The following DGKI variants were observed in gnomAD, a reference collection of about 807,000 sequenced individuals.
The protein encoded by DGKI is diacylglycerol kinase iota, also known as DAG kinase iota.
Under a neutral mutation model 147.5 loss-of-function variants are expected in DGKI, and 55 were observed. That is an observed-to-expected ratio of 0.37 (90% CI 0.30 to 0.47). The LOEUF (loss-of-function observed/expected upper bound fraction) is 0.47. Ranked by LOEUF, DGKI falls within the 20% of genes least tolerant of loss-of-function variation. DGKI has a pLI of 1.00. For synonymous variants in DGKI, 469 were observed against 477.1 expected, an observed-to-expected ratio of 0.98 and a Z score of 0.22; for missense variants, 1,007 against 1,323.8, an observed-to-expected ratio of 0.76 and a Z score of 3.71.
chr7:137,787,086 A>G (rs1217383504), intron 1 of DGKI, among the ~76,000 whole-genome samples: 1 of 152,156 alleles, frequency 6.6e-6, no homozygotes, highest in African/African-American at 2.4e-5. Context: ...ATGACCAAGA[A>G]CCCAAAAGCA....
chr7:137,476,076 A>C (rs1282871917), intron 23 of DGKI, among the ~76,000 whole-genome samples: 3 of 152,136 alleles, frequency 2.0e-5, no homozygotes, highest in Admixed American at 6.5e-5. Flanking sequence ...CGTACGGCCA[A>C]GAAGTGCCAG....
chr7:137,626,851 T>A (rs566089802), intron 6 of DGKI, among the ~76,000 whole-genome samples: 3 of 152,188 alleles, frequency 2.0e-5, no homozygotes, highest in Non-Finnish European at 4.4e-5. Flanking sequence ...TCCTGGGCAC[T>A]GCCACCCGGT....
intron 6 of DGKI, among the ~76,000 whole-genome samples, chr7:137,640,116 A>T (rs372651700): frequency 2.8e-4 from 43 of 151,926 alleles, no homozygotes; most frequent in African/African-American, 1.0e-3. Context: ...TGTACAGTAG[A>T]TCTCTAGGCC....
intron 30 of DGKI, among the ~76,000 whole-genome samples, chr7:137,402,400 C>A (rs946837593): frequency 1.3e-5 from 2 of 152,138 alleles, no homozygotes; most frequent in African/African-American, 4.8e-5. Flanking sequence ...CCAGGGAATG[C>A]GAAAGGAAGC....
intron 1 of DGKI, among the ~76,000 whole-genome samples, chr7:137,741,854 C>A (rs1490001459): frequency 6.6e-6 from 1 of 152,148 alleles, no homozygotes; most frequent in Non-Finnish European, 1.5e-5. Context: ...TTGATTCTAG[C>A]AATGCTGAAA....
intron 30 of DGKI, among the ~76,000 whole-genome samples, 198 bp downstream of exon 30, chr7:137,407,677 G>T (rs1812008663): frequency 6.6e-6 from 1 of 152,102 alleles, no homozygotes; most frequent in African/African-American, 2.4e-5. Context: ...TCTACTAATT[G>T]CTTGGATAGG....
chr7:137,804,650 C>T (rs1463653316), intron 1 of DGKI, among the ~76,000 whole-genome samples: 1 of 152,190 alleles, frequency 6.6e-6, no homozygotes, highest in Non-Finnish European at 1.5e-5. Context: ...AGAGGCACTC[C>T]TCTCGATAAC....
At chr7:137,608,043 TG>T (rs1328899581) in intron 10 of DGKI, among the ~76,000 whole-genome samples, 1 of 152,198 alleles carries the variant, frequency 6.6e-6, no homozygotes, top group Non-Finnish European at 1.5e-5. Context: ...TTCTGGACAA[TG>T]CCCATTGTCT....
intron 1 of DGKI, among the ~76,000 whole-genome samples, chr7:137,839,206 A>T (rs1006111908): frequency 7.9e-5 from 12 of 152,132 alleles, no homozygotes; most frequent in African/African-American, 2.9e-4. Flanking sequence ...TTTCCAAAGC[A>T]CTAAGAAGCA....
chr7:137,803,080 G>A (rs374178501), intron 1 of DGKI, among the ~76,000 whole-genome samples: 2 of 152,254 alleles, frequency 1.3e-5, no homozygotes, highest in South Asian at 2.1e-4. Flanking sequence ...AGGGCAGGTC[G>A]CTTGCATTAA....
intron 12 of DGKI, among the ~76,000 whole-genome samples, chr7:137,591,067 G>C (rs1229798735): frequency 1.3e-5 from 2 of 152,162 alleles, no homozygotes; most frequent in East Asian, 3.9e-4. Flanking sequence ...AGGTTGTCAG[G>C]AGTTCTCGTG....
intron 10 of DGKI, among the ~76,000 whole-genome samples, chr7:137,607,202 C>A (rs77144651): frequency 6.6e-6 from 1 of 152,310 alleles, no homozygotes; most frequent in African/African-American, 2.4e-5. Flanking sequence ...GTCCATGACA[C>A]CATTTCCTTA....
chr7:137,541,582 C>T (rs1817705539), intron 20 of DGKI, among the ~76,000 whole-genome samples: 1 of 152,018 alleles, frequency 6.6e-6, no homozygotes, highest in Non-Finnish European at 1.5e-5. Context: ...GGAAAAAATC[C>T]CCTATGGATA....
chr7:137,511,491 C>T (rs1190526571), intron 21 of DGKI, among the ~76,000 whole-genome samples: 1 of 152,124 alleles, frequency 6.6e-6, no homozygotes, highest in Non-Finnish European at 1.5e-5. Flanking sequence ...ACTCCAATTC[C>T]CTGAATTTGG....
intron 29 of DGKI, among the ~76,000 whole-genome samples, chr7:137,409,884 T>C (rs960874104): frequency 3.5e-4 from 53 of 151,276 alleles, no homozygotes; most frequent in African/African-American, 1.3e-3. Flanking sequence ...CTCGCTCTCT[T>C]TGTCTCTCTC....
chr7:137,728,969 G>A (rs1024014438), intron 1 of DGKI, among the ~76,000 whole-genome samples: 3 of 152,114 alleles, frequency 2.0e-5, no homozygotes, highest in African/African-American at 7.2e-5. Flanking sequence ...CCATCTGCCT[G>A]TAGCTCCTGA....
At chr7:137,566,462 G>A (rs1357203941) in intron 19 of DGKI, among the ~76,000 whole-genome samples, 1 of 149,372 alleles carries the variant, frequency 6.7e-6, no homozygotes, top group Non-Finnish European at 1.5e-5. Context: ...TACATTTAGA[G>A]GTCATAGAAT....
chr7:137,414,552 A>C (rs796797338), intron 28 of DGKI, among the ~76,000 whole-genome samples: 73 of 124,100 alleles, frequency 5.9e-4, no homozygotes, highest in Non-Finnish European at 1.1e-3. Flanking sequence ...AAAAAAAAAA[A>C]CCCTATGAAA....
At chr7:137,632,626 A>C (rs1434252246) in intron 6 of DGKI, among the ~76,000 whole-genome samples, 1 of 152,174 alleles carries the variant, frequency 6.6e-6, no homozygotes, top group Non-Finnish European at 1.5e-5. Flanking sequence ...TGGGAGGCCA[A>C]GGCGGGCAGA....
Sources: gnomAD v4.1 joint callset for allele counts (sites outside exome capture counted in the v4.1 genomes callset) on GRCh38, gnomAD v4.1.1 for gene constraint, MANE v1.5 for transcripts, NCBI Gene and HGNC (gene_info 2026-07-23, HGNC 2026-07-21) for gene names.